TTC28: variants seen among roughly 807,000 people sequenced by gnomAD.
TTC28 encodes the protein tetratricopeptide repeat protein 28.
A neutral mutation model predicts 198.0 loss-of-function variants in TTC28; 61 were observed. That is an observed-to-expected ratio of 0.31 (90% CI 0.25 to 0.38). The LOEUF (loss-of-function observed/expected upper bound fraction) is 0.38, where lower values mean the gene tolerates loss of function less well. Ranked by LOEUF, TTC28 falls within the 10% of genes least tolerant of loss-of-function variation. The pLI, the probability that TTC28 is intolerant of heterozygous loss-of-function variation, is 1.00. For missense variants in TTC28, 2,678 were observed against 3,164.0 expected, an observed-to-expected ratio of 0.85 and a Z score of 3.69; for synonymous variants, 1,171 against 1,297.8, an observed-to-expected ratio of 0.90 and a Z score of 2.10.
chr22:28,443,364 C>T (rs2047654511), intron 2 of TTC28, among the ~76,000 whole-genome samples: 1 of 152,224 alleles, frequency 6.6e-6, no homozygotes, highest in Admixed American at 6.5e-5. Context: ...AACCCTCACG[C>T]GCAGCCTGGA....
intron 2 of TTC28, among the ~76,000 whole-genome samples, chr22:28,595,881 G>T (rs753959812): frequency 2.0e-5 from 3 of 152,100 alleles, no homozygotes; most frequent in Non-Finnish European, 4.4e-5. Flanking sequence ...CCGAGATGGC[G>T]CCACTGCACT....
intron 2 of TTC28, among the ~76,000 whole-genome samples, chr22:28,399,157 T>G (rs960534346): frequency 6.6e-6 from 1 of 152,066 alleles, no homozygotes; most frequent in African/African-American, 2.4e-5. Flanking sequence ...TCAGCCTTTG[T>G]TTGAAATTTC....
chr22:28,534,948 A>C (rs1349193246), intron 2 of TTC28, among the ~76,000 whole-genome samples: 2 of 152,092 alleles, frequency 1.3e-5, no homozygotes, highest in Non-Finnish European at 2.9e-5. Context: ...GTATGAGGAG[A>C]TATACCTAAT....
At chr22:28,483,936 G>A (rs2048284587) in intron 2 of TTC28, among the ~76,000 whole-genome samples, 1 of 152,122 alleles carries the variant, frequency 6.6e-6, no homozygotes, top group African/African-American at 2.4e-5. Flanking sequence ...AGTATATACT[G>A]CTTTAAAACA....
chr22:28,158,688 C>T (rs767386299), intron 6 of TTC28, among the ~76,000 whole-genome samples: 25 of 152,110 alleles, frequency 1.6e-4, no homozygotes, highest in Non-Finnish European at 7.4e-5. Flanking sequence ...ATAAATGGTG[C>T]TGGGAAAACT....
rs1387181451 is a variant in TTC28 at position 28,108,153 on chromosome 22, G to A, written c.1692C>T (p.Tyr564=). 3 of 1,551,744 alleles carry A rather than the reference G, an allele frequency of 1.9e-6. No homozygotes were observed. Among genetic ancestry groups the A allele is most frequent in the East Asian group, 4.9e-5 (2 of 40,916 alleles). ...ASTHGNLAVA[Y]QALGAHDRAL... ...CCCGGTCATGGGCACCCAGGGCCTG[G>A]TAGGCCACGGCAAGGTTCCCATGTG... Residue 564 remains tyrosine (Y), a synonymous_variant, in exon 7 of 23, where the codon TAC becomes TAT. Coordinates refer to ENST00000397906, the MANE Select transcript of TTC28 (RefSeq NM_001145418.2).
At chr22:27,988,092 C>T (rs977115887) in intron 21 of TTC28, among the ~76,000 whole-genome samples, 6 of 152,032 alleles carry the variant, frequency 3.9e-5, no homozygotes, top group African/African-American at 1.2e-4. Flanking sequence ...GTAATGCAAC[C>T]TGTAAAGGAT....
At chr22:28,419,541 T>G (rs2047217046) in intron 2 of TTC28, among the ~76,000 whole-genome samples, 1 of 152,240 alleles carries the variant, frequency 6.6e-6, no homozygotes, top group African/African-American at 2.4e-5. Flanking sequence ...AACTTTAGTA[T>G]TTTCTTACTG....
chr22:28,655,617 A>G (rs540360844), intron 1 of TTC28, among the ~76,000 whole-genome samples: 35 of 152,188 alleles, frequency 2.3e-4, no homozygotes, highest in Non-Finnish European at 4.4e-4. Flanking sequence ...GCCTCCCAGC[A>G]CTTTGGGAGG....
At chr22:27,984,252 T>A (rs1937129732) in intron 22 of TTC28, among the ~76,000 whole-genome samples, 1 of 152,024 alleles carries the variant, frequency 6.6e-6, no homozygotes, top group Non-Finnish European at 1.5e-5. Flanking sequence ...CCTTTCCAGC[T>A]CCATCCCAGC....
chr22:28,364,443 A>G (rs1406394700), intron 2 of TTC28, among the ~76,000 whole-genome samples: 9 of 152,130 alleles, frequency 5.9e-5, no homozygotes, highest in Admixed American at 5.9e-4. Context: ...GATTAATACA[A>G]TATTTAAGTC....
chr22:28,047,601 T>G (rs1939919515), intron 12 of TTC28, among the ~76,000 whole-genome samples: 1 of 152,144 alleles, frequency 6.6e-6, no homozygotes, highest in South Asian at 2.1e-4. Flanking sequence ...CGCAAAGCCA[T>G]GTATCCAAGC....
chr22:27,982,477 A>G lies in TTC28; in HGVS notation c.7190T>C (p.Leu2397Ser). The change falls in exon 23 of 23, where the codon TTG becomes TCG. Residue 2397 changes from leucine to serine, a missense_variant. Coordinates refer to ENST00000397906, the MANE Select transcript of TTC28 (RefSeq NM_001145418.2). The surrounding 1 kb of genome is among the most constrained non-coding windows in gnomAD (Gnocchi z 5.2). Reference sequence around the variant, plus strand: ...CTCCTTCTTATTGTGCCGTGGTGACAAATTCAACAGACTGAGGACATCCCT... The same window carrying G: ...CTCCTTCTTATTGTGCCGTGGTGACGAATTCAACAGACTGAGGACATCCCT... Reference protein sequence around the residue: ...SKRDVLSLLNLSPRHNKKEEG... With the variant: ...SKRDVLSLLNSSPRHNKKEEG... The G allele has an allele frequency of 6.4e-7, 1 of 1,551,536 alleles. No individual in the cohort carries two copies. Among genetic ancestry groups the G allele is most frequent in the Non-Finnish European group, 8.7e-7 (1 of 1,146,962 alleles).
At chr22:28,194,574 G>C (rs1441952516) in intron 5 of TTC28, among the ~76,000 whole-genome samples, 1 of 152,014 alleles carries the variant, frequency 6.6e-6, no homozygotes, top group Non-Finnish European at 1.5e-5. Flanking sequence ...GAGTCAAATA[G>C]ATGCAATAAA....
In TTC28 at chr22:28,243,174, C is replaced by CAAAAA. The variant is rs754700795; in HGVS notation, c.933+53019_933+53023dup. Among the ~76,000 whole-genome samples, 161 of 68,328 alleles carry CAAAAA rather than the reference C, an allele frequency of 2.4e-3. 32 individuals carry two copies. The highest frequency in any genetic ancestry group is 3.0e-3 in the African/African-American group (47 of 15,414). 44.8% of individuals were successfully genotyped at this position (68,328 alleles called of 152,430 possible). Reference sequence around the variant, plus strand: ...GCAACCTGGCAAAACCCCCTCTCTACAAAAAAAAAAAAAAAAAAAAAAAAA... The same window carrying CAAAAA: ...GCAACCTGGCAAAACCCCCTCTCTACAAAAAAAAAAAAAAAAAAAAAAAAAAAAAA... On this transcript the variant is annotated intron_variant, in intron 5 of 22. Coordinates refer to ENST00000397906, the MANE Select transcript of TTC28 (RefSeq NM_001145418.2).
At chr22:28,481,375 T>G (rs1158373227) in intron 2 of TTC28, among the ~76,000 whole-genome samples, 1 of 152,170 alleles carries the variant, frequency 6.6e-6, no homozygotes, top group Non-Finnish European at 1.5e-5. Context: ...ATTAATCATA[T>G]GGGGATATAA....
chr22:28,613,076 T>C (rs1415719160), intron 2 of TTC28, among the ~76,000 whole-genome samples: 1 of 151,680 alleles, frequency 6.6e-6, no homozygotes, highest in African/African-American at 2.4e-5. Context: ...CAAAAATAGA[T>C]AGACCGCTAG....
intron 2 of TTC28, among the ~76,000 whole-genome samples, chr22:28,563,133 G>T (rs187186573): frequency 3.6e-4 from 55 of 151,812 alleles, no homozygotes; most frequent in East Asian, 2.3e-3. Context: ...AAAATAATAA[G>T]AAGAAGAATA....
chr22:28,376,388 A>T (rs2046409426), intron 2 of TTC28, among the ~76,000 whole-genome samples: 1 of 152,098 alleles, frequency 6.6e-6, no homozygotes, highest in Non-Finnish European at 1.5e-5. Flanking sequence ...ATCTTCACAA[A>T]CTCAGAGTAT....
Sources: allele counts gnomAD v4.1 joint callset (sites outside exome capture counted in the v4.1 genomes callset), GRCh38; gene constraint gnomAD v4.1.1; non-coding constraint Gnocchi (gnomAD v3.1); transcripts MANE v1.5; gene names NCBI Gene and HGNC (gene_info 2026-07-23, HGNC 2026-07-21).